Variants in TEAD1 observed in about 807,000 individuals in gnomAD.
TEAD1 encodes TEA domain transcription factor 1.
A neutral mutation model predicts 54.9 loss-of-function variants in TEAD1; 9 were observed. That is an observed-to-expected ratio of 0.16 (90% CI 0.10 to 0.29). The LOEUF (loss-of-function observed/expected upper bound fraction) is 0.29. Ranked by LOEUF, TEAD1 falls within the 10% of genes least tolerant of loss-of-function variation. TEAD1 has a pLI of 1.00. For synonymous variants in TEAD1, 200 were observed against 187.8 expected (o/e 1.07, Z -0.53); for missense variants, 387 against 535.9 (o/e 0.72, Z 2.74).
At chr11:12,892,230 G>A (rs1948211905) in intron 9 of TEAD1, among the ~76,000 whole-genome samples, 1 of 152,134 alleles carries the variant, frequency 6.6e-6, no homozygotes, top group Non-Finnish European at 1.5e-5. Context: ...ATCCTTTCTT[G>A]GTTTGGAAAA....
chr11:12,866,449 A>G (rs1468685624), intron 5 of TEAD1, among the ~76,000 whole-genome samples: 1 of 152,214 alleles, frequency 6.6e-6, no homozygotes, highest in Non-Finnish European at 1.5e-5. Context: ...CCCATGTGAT[A>G]TAGGAAGCAC....
chr11:12,845,312 C>T (rs182430938), intron 3 of TEAD1, among the ~76,000 whole-genome samples: 40 of 152,126 alleles, frequency 2.6e-4, no homozygotes, highest in South Asian at 6.2e-4. Context: ...AGTTGCAGCT[C>T]TCTCTGCAGG....
chr11:12,883,581 A>T (rs1466877516), intron 9 of TEAD1, among the ~76,000 whole-genome samples: 1 of 152,234 alleles, frequency 6.6e-6, no homozygotes, highest in Non-Finnish European at 1.5e-5. Context: ...AGAGTCACAC[A>T]GTTAATCTCT....
intron 10 of TEAD1, among the ~76,000 whole-genome samples, chr11:12,923,581 G>A (rs16911768): frequency 0.28 from 42,045 of 152,098 alleles, 6,298 homozygotes; most frequent in East Asian, 0.4. Context: ...AGGGAAGGCA[G>A]CTATTACTCT....
chr11:12,874,037 C>T (rs1056653174), intron 5 of TEAD1, among the ~76,000 whole-genome samples: 1 of 150,744 alleles, frequency 6.6e-6, no homozygotes, highest in African/African-American at 2.4e-5. Flanking sequence ...TTTTTTCTGA[C>T]GTATTTGATG....
intron 2 of TEAD1, among the ~76,000 whole-genome samples, chr11:12,752,088 A>G (rs1944883207): frequency 1.3e-5 from 2 of 152,218 alleles, no homozygotes; most frequent in Non-Finnish European, 2.9e-5. Context: ...TGTTTCTTCT[A>G]ATAACCCTTC....
intron 2 of TEAD1, among the ~76,000 whole-genome samples, chr11:12,679,526 T>G (rs1419478163): frequency 6.6e-6 from 1 of 152,244 alleles, no homozygotes; most frequent in Non-Finnish European, 1.5e-5. Flanking sequence ...AACACTGTTG[T>G]TCTTACTGAT....
chr11:12,789,755 A>T (rs1945756298), intron 3 of TEAD1, among the ~76,000 whole-genome samples: 1 of 152,242 alleles, frequency 6.6e-6, no homozygotes, highest in Non-Finnish European at 1.5e-5. Flanking sequence ...GCCCGAGCTC[A>T]GTTGGGTTGT....
At position 12,808,342 on chromosome 11, in the gene TEAD1, C is replaced by T. The variant is rs988263723; in HGVS notation, c.202+43908C>T. On this transcript the variant is annotated intron_variant, in intron 3 of 12. Transcript: ENST00000527636. ...CCACCAGGCGCCATTCCTGTGTTCT[C>T]AGCTCTACCCTTGAGCCTTCTCTAG... 3.3e-5 allele frequency among the ~76,000 whole-genome samples: 5 copies of T among 152,142 alleles called. 1 individual carries two copies. The South Asian group carries it at 8.3e-4, about 25-fold the overall frequency.
At chr11:12,809,710 G>C (rs949553550) in intron 3 of TEAD1, among the ~76,000 whole-genome samples, 4 of 152,176 alleles carry the variant, frequency 2.6e-5, no homozygotes, top group African/African-American at 9.7e-5. Flanking sequence ...GTAGCGTCCT[G>C]TGCTTCACCA....
chr11:12,793,154 C>T (rs897886318), intron 3 of TEAD1, among the ~76,000 whole-genome samples: 11 of 151,264 alleles, frequency 7.3e-5, no homozygotes, highest in South Asian at 2.1e-4. Flanking sequence ...ATACGTTATT[C>T]AACCGGTTGC....
chr11:12,812,581 C>T (rs932587052), intron 3 of TEAD1, among the ~76,000 whole-genome samples: 18 of 152,136 alleles, frequency 1.2e-4, no homozygotes, highest in Non-Finnish European at 2.5e-4. Flanking sequence ...AACTTTTTCC[C>T]TCCAGAATAT....
chr11:12,752,843 T>C (rs1944902850), intron 2 of TEAD1, among the ~76,000 whole-genome samples: 2 of 127,784 alleles, frequency 1.6e-5, no homozygotes, highest in Non-Finnish European at 3.3e-5. Flanking sequence ...ATGAATATGC[T>C]ACAGTTTTTT....
chr11:12,920,864 G>C (rs373424746), intron 10 of TEAD1, among the ~76,000 whole-genome samples: 1 of 152,178 alleles, frequency 6.6e-6, no homozygotes, highest in Non-Finnish European at 1.5e-5. Flanking sequence ...TCAGTAGAGC[G>C]TGTATTAAAT....
chr11:12,830,788 A>C (rs1030809745), intron 3 of TEAD1, among the ~76,000 whole-genome samples: 6 of 152,134 alleles, frequency 3.9e-5, no homozygotes, highest in Non-Finnish European at 7.4e-5. Context: ...ATGCACATGC[A>C]CATTCACATT....
At chr11:12,828,678 A>T (rs1052207895) in intron 3 of TEAD1, among the ~76,000 whole-genome samples, 3 of 140,906 alleles carry the variant, frequency 2.1e-5, no homozygotes, top group Non-Finnish European at 1.5e-5. Flanking sequence ...TAACTGAGTG[A>T]TTTTTTTTTT....
chr11:12,845,070 A>G (rs187539692), intron 3 of TEAD1, among the ~76,000 whole-genome samples: 92 of 146,620 alleles, frequency 6.3e-4, no homozygotes, highest in African/African-American at 2.2e-3. Flanking sequence ...GATTCAAGCA[A>G]TTCTCTGCCT....
chr11:12,915,981 A>G (rs1948705136), intron 10 of TEAD1, among the ~76,000 whole-genome samples: 1 of 152,188 alleles, frequency 6.6e-6, no homozygotes, highest in Non-Finnish European at 1.5e-5. Flanking sequence ...ATGATTTGGG[A>G]AAGAATTTGG....
chr11:12,840,560 G>A (rs1035631864), intron 3 of TEAD1, among the ~76,000 whole-genome samples: 1 of 152,100 alleles, frequency 6.6e-6, no homozygotes, highest in Non-Finnish European at 1.5e-5. Flanking sequence ...ATAAATGGCC[G>A]TGTCTTAGCC....
Sources: allele counts gnomAD v4.1 joint callset (sites outside exome capture counted in the v4.1 genomes callset), GRCh38; gene constraint gnomAD v4.1.1; transcripts MANE v1.5; gene names NCBI Gene and HGNC (gene_info 2026-07-23, HGNC 2026-07-21).